SMG7: variants seen among roughly 807,000 people sequenced by gnomAD.
The protein encoded by SMG7 is SMG7 nonsense mediated mRNA decay factor, also known as nonsense-mediated mRNA decay factor SMG7.
In SMG7, 34 loss-of-function variants were observed where a neutral mutation model predicts 148.2. The observed-to-expected ratio is 0.23, with a 90% CI of 0.17 to 0.31. The LOEUF (loss-of-function observed/expected upper bound fraction) is 0.31, where lower values mean the gene tolerates loss of function less well. Among genes scored for constraint, SMG7 ranks in the 10% least tolerant of loss-of-function variants. The probability of loss-of-function intolerance (pLI) is 1.00; values close to 1 mark genes in which losing one functional copy is unlikely to be tolerated. For synonymous variants in SMG7, 492 were observed against 515.1 expected (o/e 0.96, Z 0.61); for missense variants, 1,114 against 1,408.4 (o/e 0.79, Z 3.35).
At chr1:183,544,242 T>C in intron 14 of SMG7, 111 bp from the exon 15 acceptor site, 1 of 742,310 alleles carries the variant, frequency 1.3e-6, no homozygotes, top group South Asian at 2.3e-5. Flanking sequence ...ATCTTCAGCA[T>C]GTACTTTTTG....
chr1:183,541,193 A>G (rs1368738905), intron 13 of SMG7, 90 bp downstream of exon 13: 2 of 1,118,928 alleles, frequency 1.8e-6, no homozygotes, highest in Non-Finnish European at 2.6e-6. Context: ...CACACATCTC[A>G]TATGTTACGT....
intron 18 of SMG7, 28 bp from the exon 19 acceptor site, chr1:183,549,180 A>G: frequency 6.5e-7 from 1 of 1,533,356 alleles, no homozygotes; most frequent in Non-Finnish European, 9.0e-7. Context: ...GGTATAACTT[A>G]ATTACCTTTT....
At position 183,512,827 on chromosome 1, in the gene SMG7, T is replaced by TG; in HGVS notation, c.30-10_30-9insG. The TG allele has an allele frequency of 1.9e-6, 3 of 1,581,000 alleles. No homozygotes were observed. Among genetic ancestry groups the TG allele is most frequent in the Non-Finnish European group, 2.6e-6 (3 of 1,169,616 alleles). On this transcript the variant is annotated splice_polypyrimidine_tract_variant and intron_variant, in intron 1 of 22. Coordinates refer to ENST00000688051, the MANE Select transcript of SMG7 (RefSeq NM_001375584.1). ...GATACTCTTTTTTTTTTTTTTTTTT[T>TG]TCTATCTAGGCAGGCAGAAGTCCTG...
At chr1:183,477,871 G>A (rs79528554) in intron 1 of SMG7, among the ~76,000 whole-genome samples, 2,149 of 152,134 alleles carry the variant, frequency 0.014, 54 homozygotes, top group African/African-American at 0.048. Context: ...TAGTGAAGAC[G>A]CTGCATCTCA....
chr1:183,518,728 A>G (rs1664119577), intron 4 of SMG7: 1 of 152,220 alleles, frequency 6.6e-6, no homozygotes, highest in African/African-American at 2.4e-5. Context: ...GATTTTCTTT[A>G]AGCAGAATCT....
chr1:183,533,412 A>G (rs1341908611), intron 9 of SMG7, 86 bp downstream of exon 9: 3 of 1,348,374 alleles, frequency 2.2e-6, no homozygotes, highest in Middle Eastern at 1.9e-4. Flanking sequence ...GCACAGTGAC[A>G]TAAAAAAGCA....
At chr1:183,532,035 TAGAA>T (rs940975381) in intron 8 of SMG7, among the ~76,000 whole-genome samples, 5 of 152,190 alleles carry the variant, frequency 3.3e-5, no homozygotes, top group African/African-American at 7.2e-5. Flanking sequence ...GACAGTGTGA[TAGAA>T]AGAGTTCATG....
At chr1:183,496,512 A>G (rs548992241) in intron 1 of SMG7, among the ~76,000 whole-genome samples, 1 of 152,304 alleles carries the variant, frequency 6.6e-6, no homozygotes, top group East Asian at 1.9e-4. Flanking sequence ...TTATAACAAG[A>G]TCCTCAGTGA....
chr1:183,511,176 C>T (rs1404797537), intron 1 of SMG7, among the ~76,000 whole-genome samples: 1 of 152,014 alleles, frequency 6.6e-6, no homozygotes, highest in Admixed American at 6.6e-5. Context: ...TATATACCTA[C>T]CTTCTTAAAT....
chr1:183,551,762 C>A, intron 22 of SMG7, 56 bp from the exon 23 acceptor site: 1 of 1,365,428 alleles, frequency 7.3e-7, no homozygotes, highest in Non-Finnish European at 9.9e-7. Flanking sequence ...TTGAAAAATC[C>A]CTTTCAGACA....
intron 1 of SMG7, among the ~76,000 whole-genome samples, chr1:183,510,768 T>C (rs529564821): frequency 6.6e-6 from 1 of 152,152 alleles, no homozygotes; most frequent in East Asian, 1.9e-4. Flanking sequence ...CCTAATACAA[T>C]TGACATTAAA....
chr1:183,538,139 A>C (rs1668127312), intron 11 of SMG7, among the ~76,000 whole-genome samples: 1 of 152,190 alleles, frequency 6.6e-6, no homozygotes, highest in Non-Finnish European at 1.5e-5. Context: ...TTTTTTAAAA[A>C]GCCATTCTCC....
chr1:183,492,894 G>A (rs1018912336), intron 1 of SMG7, among the ~76,000 whole-genome samples: 3 of 151,890 alleles, frequency 2.0e-5, no homozygotes, highest in Non-Finnish European at 4.4e-5. Context: ...ATATGTTTCC[G>A]TTTTCATTTG....
At chr1:183,500,323 A>G (rs1659466593) in intron 1 of SMG7, among the ~76,000 whole-genome samples, 2 of 152,162 alleles carry the variant, frequency 1.3e-5, no homozygotes, top group Admixed American at 1.3e-4. Flanking sequence ...TATTTATCTG[A>G]TTGACTGTAT....
At chr1:183,526,981 TA>T (rs1298492688) in intron 5 of SMG7, among the ~76,000 whole-genome samples, 1 of 152,230 alleles carries the variant, frequency 6.6e-6, no homozygotes, top group Non-Finnish European at 1.5e-5. Flanking sequence ...TATTAAGATT[TA>T]AATTTTATTC....
rs113426716 is a variant in SMG7, at chr1:183,486,567, C to T, written c.29+13918C>T. On this transcript the variant is annotated intron_variant, in intron 1 of 22. Coordinates refer to ENST00000688051, the MANE Select transcript of SMG7 (RefSeq NM_001375584.1). ...CTGGGATTACAGGCGCCCGCCACCA[C>T]GCCTGGCCGATTTTTGTGTTTTTAG... is the stretch of plus-strand genomic sequence containing the variant. Among the ~76,000 whole-genome samples, 18 of 152,292 alleles carry T rather than the reference C, an allele frequency of 1.2e-4. No individual in the cohort carries two copies. The East Asian group carries it at 2.9e-3, about 25-fold the overall frequency.
intron 1 of SMG7, among the ~76,000 whole-genome samples, chr1:183,504,225 G>GT (rs1375997255): frequency 6.6e-6 from 1 of 151,768 alleles, no homozygotes; most frequent in Non-Finnish European, 1.5e-5. Flanking sequence ...ACTATTTAGA[G>GT]TAAAAAAAAA....
chr1:183,472,873 C>T (rs368051343), intron 1 of SMG7: 2 of 400,798 alleles, frequency 5.0e-6, no homozygotes, highest in Non-Finnish European at 4.4e-6. Context: ...CGGCTCGTCC[C>T]GGTGCGAGGA....
chr1:183,542,626 A>G, intron 14 of SMG7, 124 bp downstream of exon 14: 1 of 729,834 alleles, frequency 1.4e-6, no homozygotes, highest in African/African-American at 1.8e-5. Flanking sequence ...ATTTAATTGC[A>G]TAGTAAGGTT....
Sources: allele counts gnomAD v4.1 joint callset (sites outside exome capture counted in the v4.1 genomes callset), GRCh38; gene constraint gnomAD v4.1.1; transcripts MANE v1.5; gene names NCBI Gene and HGNC (gene_info 2026-07-23, HGNC 2026-07-21).